The following GGPS1 variants were observed in gnomAD, a reference collection of about 807,000 sequenced individuals.
GGPS1 encodes geranylgeranyl diphosphate synthase 1, also known as geranylgeranyl pyrophosphate synthase.
In GGPS1, 15 loss-of-function variants were observed where a neutral mutation model predicts 28.1. That is an observed-to-expected ratio of 0.53 (90% confidence interval 0.36 to 0.82). The LOEUF (loss-of-function observed/expected upper bound fraction) is 0.82, where lower values mean the gene tolerates loss of function less well. Among genes scored for constraint, GGPS1 ranks in the 40% least tolerant of loss-of-function variants. The pLI, the probability that GGPS1 is intolerant of heterozygous loss-of-function variation, is 0.01. For missense variants in GGPS1, 284 were observed against 348.3 expected (o/e 0.82, Z 1.47); for synonymous variants, 138 against 122.4 (o/e 1.13, Z -0.84).
At chr1:235,334,448 A>C (rs1325672235) in intron 1 of GGPS1, among the ~76,000 whole-genome samples, 1 of 152,226 alleles carries the variant, frequency 6.6e-6, no homozygotes, top group Non-Finnish European at 1.5e-5. Context: ...AGAATTTTCT[A>C]ATTGAGATAT....
upstream of GGPS1, chr1:235,327,627 G>A (rs1323798564): frequency 1.3e-5 from 2 of 152,428 alleles, no homozygotes; most frequent in East Asian, 3.9e-4. Context: ...TGCGGGGGGT[G>A]GGGGTTCCCG....
At chr1:235,341,193 G>A (rs1380911587) in intron 2 of GGPS1, among the ~76,000 whole-genome samples, 1 of 151,986 alleles carries the variant, frequency 6.6e-6, no homozygotes, top group East Asian at 1.9e-4. Flanking sequence ...AGCCAGGCAT[G>A]GTGTGTGCCT....
intron 2 of GGPS1, among the ~76,000 whole-genome samples, chr1:235,338,348 C>T (rs1042359636): frequency 6.6e-6 from 1 of 151,530 alleles, no homozygotes; most frequent in Non-Finnish European, 1.5e-5. Flanking sequence ...CACCACTGCA[C>T]CCCAGCCTGG....
At chr1:235,341,645 G>A in intron 2 of GGPS1, 63 bp from the exon 3 acceptor site, 1 of 920,814 alleles carries the variant, frequency 1.1e-6, no homozygotes, top group Non-Finnish European at 1.8e-6. Context: ...TGTGTTTTTT[G>A]TAGTTAAAAT....
At chr1:235,338,868 A>G (rs993519331) in intron 2 of GGPS1, among the ~76,000 whole-genome samples, 1 of 151,742 alleles carries the variant, frequency 6.6e-6, no homozygotes, top group East Asian at 1.9e-4. Context: ...CCTGTCTCAA[A>G]AATAATAATA....
intron 2 of GGPS1, among the ~76,000 whole-genome samples, chr1:235,340,537 C>T (rs1392941590): frequency 6.6e-6 from 1 of 150,714 alleles, no homozygotes; most frequent in Non-Finnish European, 1.5e-5. Flanking sequence ...GAGATCGAGA[C>T]CATCCTGGCT....
chr1:235,337,761 G>A (rs1675911481), intron 2 of GGPS1, among the ~76,000 whole-genome samples: 1 of 151,386 alleles, frequency 6.6e-6, no homozygotes, highest in African/African-American at 2.4e-5. Context: ...AGGTTGCAGT[G>A]AGCCGAGATC....
At position 235,343,327 on chromosome 1, in the gene GGPS1, G is replaced by A. The variant is rs145879826; in HGVS notation, c.*555G>A. On this transcript the variant is annotated 3_prime_UTR_variant, in exon 4 of 4. Coordinates refer to ENST00000282841, the MANE Select transcript of GGPS1 (RefSeq NM_004837.4). ...TCCCAGCACTTTGGGAGGCCGAGGC[G>A]GGCAGATCACGAGGTCAGGAGATCG... 2,246 of 162,590 alleles carry A rather than the reference G, an allele frequency of 0.014. 21 individuals are homozygous for A. Among genetic ancestry groups the A allele is most frequent in the Middle Eastern group, 0.03 (9 of 300 alleles). 10.1% of individuals were successfully genotyped at this position (162,590 alleles called of 1,614,324 possible).
intron 1 of GGPS1, 110 bp downstream of exon 1, chr1:235,328,888 G>C (rs1031867406): frequency 1.2e-4 from 18 of 152,382 alleles, no homozygotes; most frequent in Admixed American, 1.2e-3. Flanking sequence ...CCCGGATGCT[G>C]AACCGGATTG....
intron 1 of GGPS1, among the ~76,000 whole-genome samples, chr1:235,330,971 C>A (rs1675696191): frequency 1.3e-5 from 2 of 152,094 alleles, no homozygotes; most frequent in African/African-American, 4.8e-5. Context: ...TTTAGCTAAG[C>A]CATTATTCTT....
intron 2 of GGPS1, among the ~76,000 whole-genome samples, chr1:235,339,594 T>C (rs1390278408): frequency 6.6e-6 from 1 of 151,396 alleles, no homozygotes; most frequent in Non-Finnish European, 1.5e-5. Context: ...ACCCTGTCTC[T>C]ACTAAAATTA....
chr1:235,327,520 G>A (rs1485036629), upstream of GGPS1: 1 of 152,236 alleles, frequency 6.6e-6, no homozygotes, highest in African/African-American at 2.4e-5. Flanking sequence ...GGGCCCCGGA[G>A]GCGGAACGGC....
At chr1:235,341,080 A>G (rs148659043) in intron 2 of GGPS1, among the ~76,000 whole-genome samples, 4 of 152,164 alleles carry the variant, frequency 2.6e-5, no homozygotes, top group African/African-American at 7.2e-5. Context: ...CTGTAATCCA[A>G]ACACTTTGGG....
chr1:235,341,892 G>T (rs1431192986), intron 3 of GGPS1, 114 bp downstream of exon 3: 1 of 867,352 alleles, frequency 1.2e-6, no homozygotes, highest in Non-Finnish European at 1.8e-6. Flanking sequence ...TTTATATTGA[G>T]GTTGCTAAAT....
At chr1:235,341,932 G>C (rs1476578375) in intron 3 of GGPS1, 79 bp from the exon 4 acceptor site, 1 of 980,388 alleles carries the variant, frequency 1.0e-6, no homozygotes, top group African/African-American at 1.7e-5. Flanking sequence ...TAACACACCT[G>C]AGACTTTCAT....
rs1213121876 is a variant in GGPS1 at position 235,328,658 on chromosome 1, T to G, written c.-144T>G. ...GGCGGAGAGTTCTGTGGTGAAATAGTGGGAAGGATTCATGTAGGCATCGGG... is the reference window on the plus strand; with the variant it reads ...GGCGGAGAGTTCTGTGGTGAAATAGGGGGAAGGATTCATGTAGGCATCGGG... On this transcript the variant is annotated 5_prime_UTR_variant, in exon 1 of 4. Transcript: ENST00000282841. 3 of 152,784 alleles carry G rather than the reference T, an allele frequency of 2.0e-5. No homozygotes were observed. The highest frequency in any genetic ancestry group is 7.2e-5 in the African/African-American group (3 of 41,414). The allele number at this position is 152,784 out of a possible 1,614,324, so 9.5% of individuals were successfully genotyped here.
intron 3 of GGPS1, 72 bp downstream of exon 3, chr1:235,341,850 T>TTGGGAGGCCGAGGCGGGTG: frequency 9.9e-7 from 1 of 1,006,096 alleles, no homozygotes; most frequent in South Asian, 1.4e-5. Context: ...TCCTAGTTCT[T>TTGGGAGGCCGAGGCGGGTG]GATTGAATTT....
intron 2 of GGPS1, chr1:235,336,767 G>A (rs765000016): frequency 9.9e-5 from 15 of 152,160 alleles, no homozygotes; most frequent in Middle Eastern, 3.4e-3. Flanking sequence ...TTAAATTTCC[G>A]TGCTAAAGTA....
chr1:235,338,392 AAG>A (rs1491451996), intron 2 of GGPS1, among the ~76,000 whole-genome samples: 7 of 152,082 alleles, frequency 4.6e-5, no homozygotes, highest in South Asian at 4.2e-4. Flanking sequence ...AGAAAAAAAA[AAG>A]GGGGGGAAAC....
Sources: gnomAD v4.1 joint callset for allele counts (sites outside exome capture counted in the v4.1 genomes callset) on GRCh38, gnomAD v4.1.1 for gene constraint, MANE v1.5 for transcripts, NCBI Gene and HGNC (gene_info 2026-07-23, HGNC 2026-07-21) for gene names.